Variants in LINS1 observed in about 807,000 individuals in gnomAD.
The protein encoded by LINS1 is protein Lines homolog 1.
LINS1 carries 27 observed loss-of-function variants against 41.6 expected under a neutral mutation model. The observed-to-expected ratio is 0.65, with a 90% CI of 0.48 to 0.89. LINS1 has a LOEUF of 0.89. Ranked by LOEUF, LINS1 falls within the 40% of genes least tolerant of loss-of-function variation. The pLI is 0.00. For missense variants in LINS1, 955 were observed against 884.1 expected, an observed-to-expected ratio of 1.08 and a Z score of -1.02; for synonymous variants, 336 against 312.9, an observed-to-expected ratio of 1.07 and a Z score of -0.78.
At chr15:100,583,607 T>A (rs1001199105) in intron 1 of LINS1, among the ~76,000 whole-genome samples, 2 of 152,188 alleles carry the variant, frequency 1.3e-5, no homozygotes, top group Non-Finnish European at 2.9e-5. Flanking sequence ...CACCATACCC[T>A]TTTTTATTCC....
rs150397453 is a variant in LINS1 at position 100,573,473 on chromosome 15, T to C, written c.1222+178A>G. ...ATTGTAGGCACAAAAAGCTGACATGTTTCTTAAAGGTAAATCCAGTTCTTT... is the reference window on the plus strand; with the variant it reads ...ATTGTAGGCACAAAAAGCTGACATGCTTCTTAAAGGTAAATCCAGTTCTTT... On this transcript the variant is annotated intron_variant, in intron 5 of 6. Coordinates refer to ENST00000314742, the MANE Select transcript of LINS1 (RefSeq NM_001040616.3). 49 of 867,138 alleles carry C rather than the reference T, an allele frequency of 5.7e-5. No homozygotes were observed. In the East Asian group the frequency reaches 1.4e-3, roughly 25 times the overall value. 53.7% of individuals were successfully genotyped at this position (867,138 alleles called of 1,614,324 possible).
At chr15:100,591,014 C>A (rs914054762) in intron 1 of LINS1, among the ~76,000 whole-genome samples, 5 of 151,992 alleles carry the variant, frequency 3.3e-5, no homozygotes, top group Admixed American at 3.3e-4. Context: ...CCTGTCTCTA[C>A]TAAAAATACA....
rs180924277 is a variant in LINS1, at chr15:100,567,545, T to C, written c.*1693A>G. ...ATTGCAAGCCCCATGTATTTACTTG[T>C]TTTTTACTGGAGATGTTTCACATCC... On this transcript the variant is annotated 3_prime_UTR_variant, in exon 7 of 7. Coordinates refer to ENST00000314742, the MANE Select transcript of LINS1 (RefSeq NM_001040616.3). 2 of 152,326 alleles carry C rather than the reference T, an allele frequency of 1.3e-5. No homozygotes were observed. Among genetic ancestry groups the C allele is most frequent in the Non-Finnish European group, 2.9e-5 (2 of 68,022 alleles). The allele number at this position is 152,326 out of a possible 1,614,324, so 9.4% of individuals were successfully genotyped here. A position where few individuals can be genotyped will look rare whatever the true frequency, so the allele number is the denominator to read the frequency against.
chr15:100,569,129 A>AAT lies in LINS1; in HGVS notation c.*108_*109insAT. On this transcript the variant is annotated 3_prime_UTR_variant, in exon 7 of 7. Coordinates refer to ENST00000314742, the MANE Select transcript of LINS1 (RefSeq NM_001040616.3). ...CAGAATGAGATTCTGTCTCAAAAAA[A>AAT]AAAAAAAAAAAGAAAACCCTTTTAT... 1.3e-6 allele frequency: 1 copy of AAT among 745,696 alleles called. No individual in the cohort carries two copies. Among genetic ancestry groups the AAT allele is most frequent in the Non-Finnish European group, 2.1e-6 (1 of 466,194 alleles). The allele number at this position is 745,696 out of a possible 1,614,324, so 46.2% of individuals were successfully genotyped here. A position where few individuals can be genotyped will look rare whatever the true frequency, so the allele number is the denominator to read the frequency against.
chr15:100,580,241 A>G (rs1371504797), intron 3 of LINS1, 22 bp downstream of exon 3: 1 of 1,503,360 alleles, frequency 6.7e-7, no homozygotes, highest in Non-Finnish European at 9.2e-7. Context: ...AAATAATAAC[A>G]TACTTTGATT....
chr15:100,583,998 AATT>A (rs576472013), intron 1 of LINS1, among the ~76,000 whole-genome samples: 42 of 151,640 alleles, frequency 2.8e-4, no homozygotes, highest in African/African-American at 1.0e-3. Context: ...CAACAAATGG[AATT>A]ATTTTTATTT....
intron 4 of LINS1, among the ~76,000 whole-genome samples, 167 bp from the exon 5 acceptor site, chr15:100,574,408 G>A (rs1031322811): frequency 6.6e-6 from 1 of 152,174 alleles, no homozygotes; most frequent in East Asian, 1.9e-4. Context: ...TAAGAACCAC[G>A]GTTAAAATTC....
At chr15:100,570,965 C>T (rs1336214997) in intron 6 of LINS1, among the ~76,000 whole-genome samples, 1 of 152,196 alleles carries the variant, frequency 6.6e-6, no homozygotes, top group Non-Finnish European at 1.5e-5. Flanking sequence ...GTTTCCACTT[C>T]CTGAGGAGTA....
intron 1 of LINS1, among the ~76,000 whole-genome samples, chr15:100,582,460 A>G (rs1355125558): frequency 7.9e-6 from 1 of 126,968 alleles, no homozygotes. Flanking sequence ...CACTATGGCC[A>G]CTAGCCTAGT....
At chr15:100,595,597 T>C (rs1351489596) in intron 1 of LINS1, among the ~76,000 whole-genome samples, 1 of 152,166 alleles carries the variant, frequency 6.6e-6, no homozygotes, top group Admixed American at 6.5e-5. Context: ...TGGAAAACAA[T>C]TTGTGGTTAT....
In LINS1 at chr15:100,569,637, A is replaced by C. The variant is rs749109079; in HGVS notation, c.1875T>G (p.Ser625Arg). The change falls in exon 7 of 7, where the codon AGT (serine) becomes AGG (arginine). Residue 625 changes from serine (S) to arginine (R), a missense_variant. Ser to Arg is a moderately radical substitution (Grantham distance 110). Transcript: ENST00000314742. Reference protein sequence around the residue: ...SSLSSPRASQSLVDYDSSDDS... With the variant: ...SSLSSPRASQRLVDYDSSDDS... ...CGTCAGAGCTGTCGTAATCTACCAG[A>C]CTTTGAGAGGCCCGGGGGGAAGACA... The C allele has an allele frequency of 3.7e-6, 6 of 1,613,016 alleles. No homozygotes were observed. Among genetic ancestry groups the C allele is most frequent in the Non-Finnish European group, 5.1e-6 (6 of 1,179,274 alleles).
chr15:100,577,027 A>C (rs1043680817), intron 3 of LINS1, among the ~76,000 whole-genome samples: 49 of 152,268 alleles, frequency 3.2e-4, no homozygotes, highest in African/African-American at 1.1e-3. Context: ...GGACGTATCT[A>C]AAAATAATAA....
chr15:100,578,855 A>G (rs2038352812), intron 3 of LINS1, among the ~76,000 whole-genome samples: 1 of 152,150 alleles, frequency 6.6e-6, no homozygotes. Flanking sequence ...ATAAAAAATG[A>G]TGAGTTCATG....
chr15:100,571,858 G>A (rs373794773), intron 6 of LINS1, 36 bp downstream of exon 6: 2 of 1,611,586 alleles, frequency 1.2e-6, no homozygotes, highest in African/African-American at 1.3e-5. Flanking sequence ...TTCCTGACTT[G>A]TAGGCCGTTC....
intron 1 of LINS1, among the ~76,000 whole-genome samples, chr15:100,585,665 T>C (rs1284577322): frequency 6.6e-6 from 1 of 152,236 alleles, no homozygotes; most frequent in Non-Finnish European, 1.5e-5. Flanking sequence ...TTCGTTCGTG[T>C]ATGTGTACAT....
intron 3 of LINS1, 90 bp downstream of exon 3, chr15:100,580,173 A>G: frequency 1.0e-6 from 1 of 1,000,162 alleles, no homozygotes; most frequent in Non-Finnish European, 1.5e-6. Flanking sequence ...CAGATTGGGC[A>G]ACACAGTGAG....
intron 1 of LINS1, among the ~76,000 whole-genome samples, chr15:100,601,230 A>G (rs1350174214): frequency 6.6e-6 from 1 of 151,964 alleles, no homozygotes; most frequent in African/African-American, 2.4e-5. Context: ...AATTCCTAAA[A>G]CTCGGTAATT....
intron 1 of LINS1, among the ~76,000 whole-genome samples, chr15:100,591,296 G>A (rs182236549): frequency 2.7e-4 from 41 of 152,320 alleles, no homozygotes; most frequent in Admixed American, 1.4e-3. Context: ...TCTTCAACTG[G>A]AATGACAAGA....
chr15:100,573,229 T>G (rs575254490), intron 5 of LINS1: 9 of 313,752 alleles, frequency 2.9e-5, no homozygotes, highest in Non-Finnish European at 4.3e-5. Context: ...GGCTAGGACC[T>G]CCCAGGTTGG....
Sources: allele counts gnomAD v4.1 joint callset (sites outside exome capture counted in the v4.1 genomes callset), GRCh38; gene constraint gnomAD v4.1.1; transcripts MANE v1.5; gene names NCBI Gene and HGNC (gene_info 2026-07-23, HGNC 2026-07-21).